Variants in ULK4 observed in about 807,000 individuals in gnomAD.
The protein encoded by ULK4 is unc-51 like kinase 4.
In ULK4, 133 loss-of-function variants were observed where a neutral mutation model predicts 160.6. The observed-to-expected ratio is 0.83, with a 90% CI of 0.72 to 0.96. ULK4 has a LOEUF of 0.96. ULK4 is among the 40% of genes least tolerant of loss of function. ULK4 has a pLI of 0.00. For synonymous variants in ULK4, 534 were observed against 539.8 expected, an observed-to-expected ratio of 0.99 and a Z score of 0.15; for missense variants, 1,580 against 1,499.5, an observed-to-expected ratio of 1.05 and a Z score of -0.89.
chr3:41,607,935 A>G (rs1559429149), intron 31 of ULK4, among the ~76,000 whole-genome samples: 1 of 152,194 alleles, frequency 6.6e-6, no homozygotes, highest in East Asian at 1.9e-4. Flanking sequence ...CATGCATGAA[A>G]AATAATGAGG....
At chr3:41,643,569 G>A (rs1283465374) in intron 30 of ULK4, among the ~76,000 whole-genome samples, 1 of 152,158 alleles carries the variant, frequency 6.6e-6, no homozygotes, top group Non-Finnish European at 1.5e-5. Context: ...TTTGGTACCA[G>A]TACCGTGCTG....
chr3:41,304,507 T>C (rs1415994861), intron 35 of ULK4, among the ~76,000 whole-genome samples: 1 of 152,142 alleles, frequency 6.6e-6, no homozygotes, highest in African/African-American at 2.4e-5. Context: ...GTGTAACACT[T>C]AGGTTCTTAG....
chr3:41,835,320 A>ACT (rs2041721762), intron 18 of ULK4, among the ~76,000 whole-genome samples: 2 of 152,220 alleles, frequency 1.3e-5, no homozygotes, highest in South Asian at 4.1e-4. Context: ...ATAACTTATC[A>ACT]CTATCTATTC....
chr3:41,362,996 A>G (rs767913508), intron 35 of ULK4, among the ~76,000 whole-genome samples: 10 of 152,248 alleles, frequency 6.6e-5, no homozygotes, highest in Non-Finnish European at 1.3e-4. Flanking sequence ...AGGCCTCGCC[A>G]GCAGGCTGGC....
intron 34 of ULK4, among the ~76,000 whole-genome samples, chr3:41,418,378 T>A (rs373650059): frequency 9.9e-5 from 15 of 151,570 alleles, no homozygotes; most frequent in African/African-American, 3.6e-4. Context: ...ACACAGTTTG[T>A]CTGCAAGTTT....
At chr3:41,774,973 C>T (rs1279395075) in intron 21 of ULK4, among the ~76,000 whole-genome samples, 2 of 148,470 alleles carry the variant, frequency 1.3e-5, no homozygotes, top group East Asian at 3.9e-4. Flanking sequence ...ATTGCAAGGA[C>T]AAAAAACCAA....
intron 18 of ULK4, among the ~76,000 whole-genome samples, chr3:41,828,640 T>C (rs1202678965): frequency 6.7e-6 from 1 of 149,038 alleles, no homozygotes; most frequent in Non-Finnish European, 1.5e-5. Flanking sequence ...TCAATGAAAT[T>C]AAAGAGGATA....
intron 30 of ULK4, among the ~76,000 whole-genome samples, chr3:41,663,058 T>C (rs368614997): frequency 6.6e-6 from 1 of 151,694 alleles, no homozygotes; most frequent in Non-Finnish European, 1.5e-5. Flanking sequence ...CCATCTCTAC[T>C]AAAAATACAA....
intron 20 of ULK4, among the ~76,000 whole-genome samples, chr3:41,792,005 T>C (rs1221832815): frequency 1.3e-5 from 2 of 152,186 alleles, no homozygotes; most frequent in African/African-American, 4.8e-5. Flanking sequence ...AACTCTACTT[T>C]GGGCATTTTT....
rs558712541 is a variant in ULK4, at chr3:41,316,111, A to G, written c.3679-66537T>C. On this transcript the variant is annotated intron_variant, in intron 35 of 36. Transcript: ENST00000301831. ...ACAAATGTTTATAGAAGCATTATTAATAATAGCAAAAGGGGGAAAAGCCCA... is the reference window on the plus strand; with the variant it reads ...ACAAATGTTTATAGAAGCATTATTAGTAATAGCAAAAGGGGGAAAAGCCCA... 2.8e-4 allele frequency among the ~76,000 whole-genome samples: 43 copies of G among 152,390 alleles called. 1 individual carries two copies. Among genetic ancestry groups the G allele is most frequent in the African/African-American group, 9.6e-4 (40 of 41,598 alleles).
chr3:41,759,209 C>T (rs980641236), intron 21 of ULK4, among the ~76,000 whole-genome samples: 1 of 152,028 alleles, frequency 6.6e-6, no homozygotes, highest in African/African-American at 2.4e-5. Context: ...AAATAAAAGA[C>T]ATTTAGATTT....
intron 32 of ULK4, among the ~76,000 whole-genome samples, chr3:41,561,999 G>T (rs1049675425): frequency 6.6e-6 from 1 of 152,134 alleles, no homozygotes; most frequent in Non-Finnish European, 1.5e-5. Flanking sequence ...TGGGCATTTA[G>T]TGCCATAAAT....
At chr3:41,767,912 T>C (rs866863842) in intron 21 of ULK4, among the ~76,000 whole-genome samples, 2 of 152,164 alleles carry the variant, frequency 1.3e-5, no homozygotes, top group Non-Finnish European at 2.9e-5. Flanking sequence ...ACACTGTTTA[T>C]TGCAGGAGTC....
intron 35 of ULK4, among the ~76,000 whole-genome samples, chr3:41,269,208 T>C (rs1232945008): frequency 2.6e-5 from 4 of 152,158 alleles, no homozygotes; most frequent in Non-Finnish European, 5.9e-5. Context: ...ATTTAGGGTA[T>C]AATCACTCAC....
At chr3:41,757,035 A>C (rs1349335962) in intron 21 of ULK4, among the ~76,000 whole-genome samples, 1 of 142,242 alleles carries the variant, frequency 7.0e-6, no homozygotes, top group Non-Finnish European at 1.5e-5. Context: ...GAAATAGAAC[A>C]CTATAAAGAA....
At chr3:41,829,622 A>G (rs151124994) in intron 18 of ULK4, among the ~76,000 whole-genome samples, 29,953 of 151,672 alleles carry the variant, frequency 0.2, 3,531 homozygotes, top group African/African-American at 0.33. Context: ...TTAGAATGGC[A>G]ATCATTAAAA....
intron 32 of ULK4, among the ~76,000 whole-genome samples, chr3:41,541,360 G>C (rs945913334): frequency 9.9e-5 from 15 of 152,146 alleles, no homozygotes; most frequent in African/African-American, 3.6e-4. Flanking sequence ...TTATTTCTGA[G>C]GCGTCCGTTC....
At chr3:41,519,177 C>G (rs1032475003) in intron 32 of ULK4, among the ~76,000 whole-genome samples, 3 of 152,192 alleles carry the variant, frequency 2.0e-5, no homozygotes, top group African/African-American at 7.2e-5. Flanking sequence ...TTGGAATGGT[C>G]TTTCTTACGT....
chr3:41,745,814 C>T (rs1346056364), intron 22 of ULK4, among the ~76,000 whole-genome samples: 2 of 151,460 alleles, frequency 1.3e-5, no homozygotes, highest in African/African-American at 2.4e-5. Context: ...ACTGTGACCA[C>T]GTGAGATTAC....
Sources: allele counts gnomAD v4.1 joint callset (sites outside exome capture counted in the v4.1 genomes callset), GRCh38; gene constraint gnomAD v4.1.1; transcripts MANE v1.5; gene names NCBI Gene and HGNC (gene_info 2026-07-23, HGNC 2026-07-21).